Variants in LPP observed in about 807,000 individuals in gnomAD.
The protein encoded by LPP is LIM domain containing preferred translocation partner in lipoma.
LPP carries 38 observed loss-of-function variants against 60.4 expected under a neutral mutation model. That is an observed-to-expected ratio of 0.63 (90% CI 0.49 to 0.83). The LOEUF (loss-of-function observed/expected upper bound fraction) is 0.83. Among genes scored for constraint, LPP ranks in the 40% least tolerant of loss-of-function variants. LPP has a pLI of 0.00. For synonymous variants in LPP, 328 were observed against 290.8 expected (o/e 1.13, Z -1.30); for missense variants, 902 against 783.6 (o/e 1.15, Z -1.80).
At chr3:188,792,639 C>T (rs1744140469) in intron 9 of LPP, among the ~76,000 whole-genome samples, 1 of 151,910 alleles carries the variant, frequency 6.6e-6, no homozygotes, top group African/African-American at 2.4e-5. Context: ...TGTAAACAAA[C>T]CTGGTTGATT....
At chr3:188,273,894 C>G (rs111953368) in intron 2 of LPP, among the ~76,000 whole-genome samples, 2 of 151,960 alleles carry the variant, frequency 1.3e-5, no homozygotes, top group Non-Finnish European at 2.9e-5. Context: ...CATGTCTGGC[C>G]GTCTATTTTA....
At chr3:188,869,942 C>T (rs1409794456) in intron 10 of LPP, among the ~76,000 whole-genome samples, 1 of 152,192 alleles carries the variant, frequency 6.6e-6, no homozygotes, top group Non-Finnish European at 1.5e-5. Flanking sequence ...CACACGTACA[C>T]ATTTTCTCAT....
chr3:188,417,275 A>G (rs1467089808), intron 4 of LPP, among the ~76,000 whole-genome samples: 1 of 152,120 alleles, frequency 6.6e-6, no homozygotes, highest in Non-Finnish European at 1.5e-5. Flanking sequence ...TAAAAATTGC[A>G]TTATGTAAAT....
chr3:188,314,929 A>G (rs1754600798), intron 2 of LPP, among the ~76,000 whole-genome samples: 1 of 152,220 alleles, frequency 6.6e-6, no homozygotes, highest in African/African-American at 2.4e-5. Flanking sequence ...TCCCTTGTGA[A>G]AATACCTTCA....
chr3:188,833,884 TAA>T (rs1269026815), intron 9 of LPP, among the ~76,000 whole-genome samples: 1 of 152,184 alleles, frequency 6.6e-6, no homozygotes, highest in Non-Finnish European at 1.5e-5. Context: ...AAGAAAGAAA[TAA>T]GTTTTCATAT....
At chr3:188,633,799 A>G (rs1381212189) in intron 7 of LPP, among the ~76,000 whole-genome samples, 1 of 152,204 alleles carries the variant, frequency 6.6e-6, no homozygotes, top group Non-Finnish European at 1.5e-5. Context: ...TCACAGTTCC[A>G]TCTTTGACTG....
At chr3:188,532,950 A>G (rs967449077) in intron 6 of LPP, among the ~76,000 whole-genome samples, 38 of 152,294 alleles carry the variant, frequency 2.5e-4, no homozygotes, top group African/African-American at 9.1e-4. Flanking sequence ...AAACTATTCT[A>G]ACTTCTTAGT....
At chr3:188,223,708 T>C (rs2149306041) in intron 1 of LPP, among the ~76,000 whole-genome samples, 1 of 152,322 alleles carries the variant, frequency 6.6e-6, no homozygotes, top group East Asian at 1.9e-4. Context: ...GCTGCTGTTG[T>C]AGAAACTGTT....
chr3:188,847,623 G>A (rs966538062), intron 9 of LPP, among the ~76,000 whole-genome samples: 1 of 152,178 alleles, frequency 6.6e-6, no homozygotes, highest in Non-Finnish European at 1.5e-5. Context: ...CCAAGCAGTT[G>A]TAAAAATAAC....
At chr3:188,353,971 T>C (rs1286869937) in intron 3 of LPP, among the ~76,000 whole-genome samples, 1 of 152,068 alleles carries the variant, frequency 6.6e-6, no homozygotes, top group Non-Finnish European at 1.5e-5. Flanking sequence ...CTTTTTTTTT[T>C]TTGGTTTCAA....
chr3:188,750,638 A>G (rs1484976155), intron 8 of LPP, among the ~76,000 whole-genome samples: 2 of 152,170 alleles, frequency 1.3e-5, no homozygotes, highest in Non-Finnish European at 2.9e-5. Context: ...ATCTCAAAAA[A>G]TAAAAAAAAA....
chr3:188,836,282 C>T (rs1183289911), intron 9 of LPP, among the ~76,000 whole-genome samples: 2 of 152,126 alleles, frequency 1.3e-5, no homozygotes, highest in Non-Finnish European at 2.9e-5. Flanking sequence ...AAGATTATTC[C>T]CTTTAGTCTG....
At chr3:188,772,068 T>G (rs1272616321) in intron 9 of LPP, among the ~76,000 whole-genome samples, 1 of 152,244 alleles carries the variant, frequency 6.6e-6, no homozygotes, top group Non-Finnish European at 1.5e-5. Context: ...TAAATTTTTA[T>G]GCACAGTCAA....
chr3:188,612,700 C>T (rs950086414), intron 7 of LPP, among the ~76,000 whole-genome samples: 5 of 152,146 alleles, frequency 3.3e-5, no homozygotes, highest in Admixed American at 2.6e-4. Flanking sequence ...AACTTACCCT[C>T]ATGTCTGAAA....
chr3:188,495,365 A>C (rs1308282940), intron 5 of LPP, among the ~76,000 whole-genome samples: 1 of 151,372 alleles, frequency 6.6e-6, no homozygotes, highest in Non-Finnish European at 1.5e-5. Context: ...ATAATTTGCA[A>C]AATACATTAT....
At chr3:188,240,280 A>T (rs1723654354) in intron 2 of LPP, 1 of 168,040 alleles carries the variant, frequency 6.0e-6, no homozygotes, top group Admixed American at 6.4e-5. Context: ...CATGGGTAGG[A>T]ATAGCTTACA....
At chr3:188,183,751 AG>A (rs1234791425) in intron 1 of LPP, among the ~76,000 whole-genome samples, 2 of 127,522 alleles carry the variant, frequency 1.6e-5, no homozygotes, top group Non-Finnish European at 3.3e-5. Context: ...TGGGAGTGGG[AG>A]GGGGTGTGCT....
chr3:188,356,339 C>T (rs934916006), intron 3 of LPP, among the ~76,000 whole-genome samples: 2 of 152,124 alleles, frequency 1.3e-5, no homozygotes, highest in African/African-American at 2.4e-5. Context: ...AATCTCTGTG[C>T]CTCCGTGTCT....
At chr3:188,528,323 T>A (rs1412490908) in intron 6 of LPP, among the ~76,000 whole-genome samples, 2 of 151,978 alleles carry the variant, frequency 1.3e-5, no homozygotes, top group African/African-American at 4.8e-5. Context: ...CACCGTGCCC[T>A]GCCCCTCCCC....
Sources: gnomAD v4.1 joint callset for allele counts (sites outside exome capture counted in the v4.1 genomes callset) on GRCh38, gnomAD v4.1.1 for gene constraint, MANE v1.5 for transcripts, NCBI Gene and HGNC (gene_info 2026-07-23, HGNC 2026-07-21) for gene names.